Variants in OSBPL8 observed in about 807,000 individuals in gnomAD.
OSBPL8 encodes oxysterol-binding protein-related protein 8.
In OSBPL8, 59 loss-of-function variants were observed where a neutral mutation model predicts 125.5. That is an observed-to-expected ratio of 0.47 (90% CI 0.38 to 0.58). The LOEUF is 0.58. Ranked by LOEUF, OSBPL8 falls within the 20% of genes least tolerant of loss-of-function variation. OSBPL8 has a pLI of 0.00. For missense variants in OSBPL8, 758 were observed against 1,047.8 expected (o/e 0.72, Z 3.82); for synonymous variants, 330 against 338.9 (o/e 0.97, Z 0.29).
At chr12:76,507,913 G>C (rs911002647) in intron 1 of OSBPL8, among the ~76,000 whole-genome samples, 11 of 151,648 alleles carry the variant, frequency 7.3e-5, no homozygotes, top group Non-Finnish European at 1.3e-4. Context: ...GCTCATGCCT[G>C]AAATCCCAGC....
At chr12:76,509,863 A>G (rs35495875) in intron 1 of OSBPL8, among the ~76,000 whole-genome samples, 11,028 of 152,174 alleles carry the variant, frequency 0.072, 565 homozygotes, top group Non-Finnish European at 0.11. Flanking sequence ...AGAGAAGGGG[A>G]AAAAGCACAG....
chr12:76,470,664 A>G (rs140656519), intron 2 of OSBPL8, among the ~76,000 whole-genome samples: 3 of 152,286 alleles, frequency 2.0e-5, no homozygotes, highest in African/African-American at 7.2e-5. Context: ...TTTCTATTCC[A>G]TTTCTAACAA....
chr12:76,396,987 G>C (rs974144938), intron 8 of OSBPL8, among the ~76,000 whole-genome samples: 2 of 151,524 alleles, frequency 1.3e-5, no homozygotes, highest in African/African-American at 4.8e-5. Context: ...GCTAATTTTT[G>C]TATTTTTTGC....
At chr12:76,475,688 G>A (rs1224636354) in intron 2 of OSBPL8, among the ~76,000 whole-genome samples, 2 of 152,044 alleles carry the variant, frequency 1.3e-5, no homozygotes, top group Admixed American at 6.6e-5. Context: ...GTCCCCACCC[G>A]ACCCTAGCCC....
At chr12:76,441,317 T>C (rs2136660257) in intron 4 of OSBPL8, among the ~76,000 whole-genome samples, 1 of 152,310 alleles carries the variant, frequency 6.6e-6, no homozygotes, top group South Asian at 2.1e-4. Flanking sequence ...CATTGTTTCA[T>C]TCTTAAATAA....
chr12:76,552,812 G>A (rs528470118), intron 1 of OSBPL8, among the ~76,000 whole-genome samples: 1 of 152,242 alleles, frequency 6.6e-6, no homozygotes, highest in African/African-American at 2.4e-5. Flanking sequence ...TCCAGGGTTC[G>A]TGCTATTCTG....
chr12:76,510,165 C>G (rs1047259004), intron 1 of OSBPL8, among the ~76,000 whole-genome samples: 1 of 152,168 alleles, frequency 6.6e-6, no homozygotes, highest in African/African-American at 2.4e-5. Flanking sequence ...TGTCCAAATA[C>G]TTTTCATATC....
chr12:76,371,788 G>A (rs1457023033), intron 18 of OSBPL8: 7 of 384,450 alleles, frequency 1.8e-5, no homozygotes, highest in Non-Finnish European at 2.6e-5. Flanking sequence ...CGTAATACTA[G>A]TTAATTAAAA....
intron 5 of OSBPL8, among the ~76,000 whole-genome samples, chr12:76,408,380 TGAACCCAG>T (rs1954364182): frequency 6.9e-6 from 1 of 144,746 alleles, no homozygotes; most frequent in Admixed American, 7.3e-5. Flanking sequence ...AAGAATGGCG[TGAACCCAG>T]GAGGCAGAGC....
chr12:76,463,602 GC>G (rs1371044558), intron 2 of OSBPL8, among the ~76,000 whole-genome samples: 1 of 152,104 alleles, frequency 6.6e-6, no homozygotes, highest in African/African-American at 2.4e-5. Context: ...AAAAGAACAG[GC>G]CCTAGAAAAA....
intron 1 of OSBPL8, among the ~76,000 whole-genome samples, chr12:76,497,934 G>A (rs960639398): frequency 6.6e-5 from 10 of 152,098 alleles, no homozygotes; most frequent in Admixed American, 2.0e-4. Flanking sequence ...TGTTTTTGTT[G>A]AACACTTTCA....
At chr12:76,480,024 G>A (rs956937774) in intron 2 of OSBPL8, among the ~76,000 whole-genome samples, 29 of 151,644 alleles carry the variant, frequency 1.9e-4, no homozygotes, top group African/African-American at 6.3e-4. Flanking sequence ...AAAATTAGCC[G>A]GGCATGGTGG....
At chr12:76,367,245 T>TGTGTGC (rs1367617150) in intron 21 of OSBPL8, among the ~76,000 whole-genome samples, 3 of 151,938 alleles carry the variant, frequency 2.0e-5, no homozygotes, top group Non-Finnish European at 2.9e-5. Context: ...TGTGTGTGTG[T>TGTGTGC]GTGTGTGTGT....
At chr12:76,486,580 A>G (rs901112064) in intron 2 of OSBPL8, among the ~76,000 whole-genome samples, 2 of 152,214 alleles carry the variant, frequency 1.3e-5, no homozygotes, top group African/African-American at 4.8e-5. Flanking sequence ...TTGTACAGTG[A>G]GAAAAAAATG....
chr12:76,525,219 T>A (rs1209012441), intron 1 of OSBPL8, among the ~76,000 whole-genome samples: 1 of 152,214 alleles, frequency 6.6e-6, no homozygotes, highest in Non-Finnish European at 1.5e-5. Flanking sequence ...ATTTGCTGGA[T>A]ATTTTATGTC....
At chr12:76,385,564 CAATACAG>C (rs1367780624) in intron 14 of OSBPL8, among the ~76,000 whole-genome samples, 1 of 151,878 alleles carries the variant, frequency 6.6e-6, no homozygotes, top group Non-Finnish European at 1.5e-5. Context: ...TCACAAAAAA[CAATACAG>C]AAGTTTGAGA....
chr12:76,356,101 G>A (rs1274185287), intron 23 of OSBPL8, 80 bp from the exon 24 acceptor site: 2 of 968,116 alleles, frequency 2.1e-6, no homozygotes, highest in Non-Finnish European at 2.8e-6. Flanking sequence ...ATATTAAACA[G>A]TCACAGAGCA....
chr12:76,413,277 CTT>C (rs1316925382), intron 4 of OSBPL8, among the ~76,000 whole-genome samples: 1 of 152,160 alleles, frequency 6.6e-6, no homozygotes, highest in African/African-American at 2.4e-5. Flanking sequence ...ACAATCCACC[CTT>C]TGTCTTCACA....
intron 2 of OSBPL8, among the ~76,000 whole-genome samples, chr12:76,464,955 C>G (rs55997326): frequency 0.011 from 1,642 of 152,268 alleles, 37 homozygotes; most frequent in African/African-American, 0.038. Flanking sequence ...CTTAGAATAA[C>G]AAACTTCAGA....
Sources: gnomAD v4.1 joint callset for allele counts (sites outside exome capture counted in the v4.1 genomes callset) on GRCh38, gnomAD v4.1.1 for gene constraint, MANE v1.5 for transcripts, NCBI Gene and HGNC (gene_info 2026-07-23, HGNC 2026-07-21) for gene names.